Variants in DSCAM observed in about 807,000 individuals in gnomAD.
The protein encoded by DSCAM is DS cell adhesion molecule, also known as cell adhesion molecule DSCAM.
DSCAM carries 47 observed loss-of-function variants against 217.7 expected under a neutral mutation model. That is an observed-to-expected ratio of 0.22 (90% CI 0.17 to 0.28). DSCAM has a LOEUF of 0.28. Among genes scored for constraint, DSCAM ranks in the 10% least tolerant of loss-of-function variants. DSCAM has a pLI of 1.00. For synonymous variants in DSCAM, 1,056 were observed against 1,015.3 expected (o/e 1.04, Z -0.76); for missense variants, 2,080 against 2,618.3 (o/e 0.79, Z 4.49).
chr21:40,278,200 G>A (rs2073714249), intron 10 of DSCAM, among the ~76,000 whole-genome samples: 1 of 152,172 alleles, frequency 6.6e-6, no homozygotes, highest in African/African-American at 2.4e-5. Flanking sequence ...ACTGAAAATT[G>A]TAAAAGTTGT....
chr21:40,362,585 T>TG (rs2074779561), intron 4 of DSCAM, among the ~76,000 whole-genome samples: 1 of 152,222 alleles, frequency 6.6e-6, no homozygotes, highest in Non-Finnish European at 1.5e-5. Context: ...TTTCTAATTG[T>TG]GTCATTTCGT....
chr21:40,138,725 GTA>G (rs2090247194), intron 18 of DSCAM, among the ~76,000 whole-genome samples: 1 of 142,906 alleles, frequency 7.0e-6, no homozygotes, highest in African/African-American at 2.6e-5. Flanking sequence ...TGGTGTGTAT[GTA>G]TGTGGTGTGC....
intron 16 of DSCAM, among the ~76,000 whole-genome samples, chr21:40,156,289 G>GAC (rs1449835579): frequency 6.4e-4 from 19 of 29,814 alleles, no homozygotes; most frequent in African/African-American, 9.5e-4. Context: ...AACTAAGACA[G>GAC]AGAGAGAGAG....
At chr21:40,556,820 C>T (rs1472238763) in intron 3 of DSCAM, among the ~76,000 whole-genome samples, 1 of 152,108 alleles carries the variant, frequency 6.6e-6, no homozygotes, top group Admixed American at 6.5e-5. Context: ...CATCAGGGGT[C>T]AAATCTCAAC....
At chr21:40,361,302 T>A (rs2123675437) in intron 4 of DSCAM, among the ~76,000 whole-genome samples, 1 of 152,290 alleles carries the variant, frequency 6.6e-6, no homozygotes, top group East Asian at 1.9e-4. Context: ...TACTTTGTTT[T>A]TGGTGGTAAA....
chr21:40,183,337 TGGCAACCAA>T (rs1348911233), intron 14 of DSCAM, among the ~76,000 whole-genome samples: 1 of 152,184 alleles, frequency 6.6e-6, no homozygotes, highest in Non-Finnish European at 1.5e-5. Context: ...TCAGAAAATA[TGGCAACCAA>T]GGCAACCTGT....
At chr21:40,228,090 G>T (rs553930580) in intron 11 of DSCAM, among the ~76,000 whole-genome samples, 31 of 152,232 alleles carry the variant, frequency 2.0e-4, no homozygotes, top group African/African-American at 7.5e-4. Context: ...TTTAGGCTGA[G>T]GTTATGAGAG....
intron 1 of DSCAM, among the ~76,000 whole-genome samples, chr21:40,739,916 T>C (rs867856222): frequency 6.7e-6 from 1 of 149,398 alleles, no homozygotes; most frequent in South Asian, 2.1e-4. Context: ...AGTGGAAATG[T>C]CCATTGGGAA....
intron 3 of DSCAM, among the ~76,000 whole-genome samples, chr21:40,440,986 G>A (rs1353938242): frequency 2.0e-5 from 3 of 152,206 alleles, no homozygotes; most frequent in African/African-American, 7.2e-5. Context: ...GTCTGCACTG[G>A]ATGCAGGCTA....
At chr21:40,324,155 A>C (rs1190156892) in intron 8 of DSCAM, among the ~76,000 whole-genome samples, 1 of 150,924 alleles carries the variant, frequency 6.6e-6, no homozygotes, top group Non-Finnish European at 1.5e-5. Flanking sequence ...GAGAGAGAGA[A>C]AAGGAAATAA....
At chr21:40,593,320 C>CTTT (rs66528850) in intron 3 of DSCAM, among the ~76,000 whole-genome samples, 4 of 145,880 alleles carry the variant, frequency 2.7e-5, no homozygotes, top group East Asian at 2.0e-4. Context: ...TGATGTTTCT[C>CTTT]TTTTTTTTTT....
intron 3 of DSCAM, among the ~76,000 whole-genome samples, chr21:40,588,650 C>A (rs187961593): frequency 1.3e-4 from 20 of 152,202 alleles, no homozygotes; most frequent in African/African-American, 4.8e-4. Flanking sequence ...TAATCTAATA[C>A]AAATATTTAG....
At chr21:40,024,780 T>C (rs567359239) in intron 32 of DSCAM, among the ~76,000 whole-genome samples, 1 of 75,402 alleles carries the variant, frequency 1.3e-5, no homozygotes, top group East Asian at 3.7e-4. Context: ...GCTGAGACAG[T>C]GGGGTTTTCT....
intron 2 of DSCAM, among the ~76,000 whole-genome samples, chr21:40,693,795 T>C (rs142955028): frequency 6.6e-6 from 1 of 152,250 alleles, no homozygotes; most frequent in African/African-American, 2.4e-5. Flanking sequence ...ACTCCAATGA[T>C]AGGAGCATCC....
intron 11 of DSCAM, among the ~76,000 whole-genome samples, chr21:40,229,117 T>G (rs2091358521): frequency 6.6e-6 from 1 of 152,234 alleles, no homozygotes; most frequent in Admixed American, 6.5e-5. Context: ...ACAGTTTAGA[T>G]GTATAGTAGT....
chr21:40,177,827 T>C (rs977836228), intron 15 of DSCAM, among the ~76,000 whole-genome samples: 5 of 152,166 alleles, frequency 3.3e-5, no homozygotes, highest in African/African-American at 9.7e-5. Flanking sequence ...GTAGCAGAGA[T>C]GAGGTGGTGG....
intron 3 of DSCAM, among the ~76,000 whole-genome samples, chr21:40,434,946 G>A (rs2075569804): frequency 6.6e-6 from 1 of 152,144 alleles, no homozygotes; most frequent in Admixed American, 6.5e-5. Context: ...AGGAAACGAA[G>A]AAAGAACATG....
intron 3 of DSCAM, among the ~76,000 whole-genome samples, chr21:40,529,039 G>A (rs1465946344): frequency 6.6e-6 from 1 of 151,674 alleles, no homozygotes; most frequent in Non-Finnish European, 1.5e-5. Flanking sequence ...GAGTAGCTGG[G>A]ACTACAGGCG....
At chr21:40,042,785 G>T in intron 31 of DSCAM, 112 bp from the exon 32 acceptor site, 2 of 1,054,536 alleles carry the variant, frequency 1.9e-6, no homozygotes, top group Non-Finnish European at 1.3e-6. Flanking sequence ...GGTGGGACCT[G>T]GTAGGAGTTC....
Sources: allele counts gnomAD v4.1 joint callset (sites outside exome capture counted in the v4.1 genomes callset), GRCh38; gene constraint gnomAD v4.1.1; transcripts MANE v1.5; gene names NCBI Gene and HGNC (gene_info 2026-07-23, HGNC 2026-07-21).